RAD54B: variants seen among roughly 807,000 people sequenced by gnomAD.
RAD54B encodes the protein RAD54 homolog B.
Under a neutral mutation model 95.8 loss-of-function variants are expected in RAD54B, and 78 were observed. That is an observed-to-expected ratio of 0.81 (90% CI 0.68 to 0.98). The LOEUF is 0.98. RAD54B is among the 50% of genes least tolerant of loss of function. The probability of loss-of-function intolerance (pLI) is 0.00; values close to 1 mark genes in which losing one functional copy is unlikely to be tolerated. For missense variants in RAD54B, 957 were observed against 1,056.6 expected (o/e 0.91, Z 1.31); for synonymous variants, 328 against 354.9 (o/e 0.92, Z 0.85).
chr8:94,373,741 A>G (rs1810496751), intron 14 of RAD54B, among the ~76,000 whole-genome samples: 1 of 152,220 alleles, frequency 6.6e-6, no homozygotes, highest in African/African-American at 2.4e-5. Context: ...AGATTTTAGT[A>G]TCTATCCTAA....
rs1221964624 is a variant in RAD54B, at chr8:94,411,303, GGAGCCGAAT to G, written c.308_316del (p.His103_Ala105del). Reference sequence around the variant, plus strand: ...TTCCTTGGACACTGCTACTTCTTTAGGAGCCGAATGAACTACAATTAAAAAAAAAACACA... The same window carrying G: ...TTCCTTGGACACTGCTACTTCTTTAGGAACTACAATTAAAAAAAAAACACA... On this transcript the variant is annotated inframe_deletion, in exon 4 of 15. Coordinates refer to ENST00000336148, the MANE Select transcript of RAD54B (RefSeq NM_012415.3). The G allele has an allele frequency of 1.9e-6, 3 of 1,563,242 alleles. No homozygotes were observed. The highest frequency in any genetic ancestry group is 1.4e-5 in the African/African-American group (1 of 71,520).
At chr8:94,433,784 CTTTA>C (rs1448954669) in intron 3 of RAD54B, among the ~76,000 whole-genome samples, 1 of 151,192 alleles carries the variant, frequency 6.6e-6, no homozygotes, top group South Asian at 2.1e-4. Flanking sequence ...AATGGAAATA[CTTTA>C]TTTAATATTA....
intron 3 of RAD54B, among the ~76,000 whole-genome samples, chr8:94,446,668 A>G (rs925685858): frequency 2.0e-5 from 3 of 152,098 alleles, no homozygotes; most frequent in Non-Finnish European, 4.4e-5. Flanking sequence ...CCTGAAGTAC[A>G]CTGCACTTCA....
At chr8:94,439,103 AAAAAG>A (rs1379896363) in intron 3 of RAD54B, among the ~76,000 whole-genome samples, 9 of 152,162 alleles carry the variant, frequency 5.9e-5, no homozygotes, top group African/African-American at 2.2e-4. Context: ...AAAAAAGAAA[AAAAAG>A]AAGACTCCAA....
chr8:94,380,691 A>T (rs1294074421), intron 11 of RAD54B, among the ~76,000 whole-genome samples: 1 of 152,224 alleles, frequency 6.6e-6, no homozygotes, highest in Non-Finnish European at 1.5e-5. Context: ...ATGAACAGAA[A>T]CTAACTCTGA....
chr8:94,474,593 G>A (rs10103436), intron 1 of RAD54B, among the ~76,000 whole-genome samples: 6,045 of 150,202 alleles, frequency 0.04, 136 homozygotes, highest in Non-Finnish European at 0.049. Flanking sequence ...CCCTAAAGAA[G>A]GCGTACCGAC....
Position 94,378,598 on chromosome 8 carries a change from G to A in RAD54B, c.2284C>T (p.Pro762Ser), listed in dbSNP as rs1810657774. The change falls in exon 13 of 15, where the codon CCT (proline) becomes TCT (serine). Residue 762 changes from proline (P) to serine (S), a missense_variant. By Grantham distance (74) the Pro-to-Ser change is moderately conservative. Coordinates refer to ENST00000336148, the MANE Select transcript of RAD54B (RefSeq NM_012415.3). Reference protein sequence around the residue: ...SRVWRDGQKYPVHIYRLLTTG... With the variant: ...SRVWRDGQKYSVHIYRLLTTG... ...GTTAGGAGTCTGTAAATATGTACAG[G>A]ATATTTCTGACCATCTCTCCATACT... The A allele has an allele frequency of 6.2e-7, 1 of 1,609,880 alleles. No homozygotes were observed. Among genetic ancestry groups the A allele is most frequent in the African/African-American group, 1.3e-5 (1 of 74,740 alleles).
chr8:94,464,269 CAA>C (rs1330417109), intron 2 of RAD54B, among the ~76,000 whole-genome samples: 2 of 152,058 alleles, frequency 1.3e-5, no homozygotes, highest in Non-Finnish European at 2.9e-5. Context: ...TGCAGAAAAC[CAA>C]AGAGAAGGAA....
intron 3 of RAD54B, among the ~76,000 whole-genome samples, chr8:94,438,567 A>G (rs2130128082): frequency 6.6e-6 from 1 of 152,352 alleles, no homozygotes; most frequent in South Asian, 2.1e-4. Flanking sequence ...AACATAGGGT[A>G]TATACTTTAT....
intron 11 of RAD54B, among the ~76,000 whole-genome samples, chr8:94,384,807 C>T (rs1271835358): frequency 6.6e-6 from 1 of 152,090 alleles, no homozygotes; most frequent in Non-Finnish European, 1.5e-5. Context: ...GTTTAGGTTT[C>T]TTAAGGACCC....
intron 3 of RAD54B, chr8:94,427,773 T>C (rs1263194857): frequency 2.1e-6 from 2 of 961,502 alleles, no homozygotes; most frequent in Admixed American, 6.2e-5. Context: ...TTAACCATCA[T>C]TATCTACAGT....
chr8:94,445,658 T>C (rs772419520), intron 3 of RAD54B, among the ~76,000 whole-genome samples: 11 of 152,158 alleles, frequency 7.2e-5, no homozygotes, highest in Admixed American at 3.9e-4. Flanking sequence ...ATCTGCAGTA[T>C]TTTAGATAGT....
intron 11 of RAD54B, 87 bp downstream of exon 11, chr8:94,386,897 T>G: frequency 2.1e-6 from 2 of 932,392 alleles, no homozygotes; most frequent in Non-Finnish European, 3.0e-6. Context: ...TTTAATGTTT[T>G]CTTATTTTAA....
intron 9 of RAD54B, among the ~76,000 whole-genome samples, chr8:94,392,930 G>A (rs1018051419): frequency 2.0e-5 from 3 of 149,846 alleles, no homozygotes; most frequent in Non-Finnish European, 3.0e-5. Flanking sequence ...TCTGCCTCCC[G>A]GGTTCAAGTG....
At position 94,411,217 on chromosome 8, in the gene RAD54B, T is replaced by C; in HGVS notation, c.403A>G (p.Lys135Glu). ...YFSVVWCKPSKKKHKKWEGDA... is the reference protein window; with the variant it reads ...YFSVVWCKPSEKKHKKWEGDA... The stretch of plus-strand genomic sequence containing the variant: ...CCTTCCCACTTTTTATGTTTTTTCT[T>C]TGAAGGCTTACACCAAACAACACTG... Residue 135 changes from lysine to glutamate, a missense_variant, in exon 4 of 15, where the codon AAG becomes GAG. Lys to Glu is a moderately conservative substitution (Grantham distance 56). Coordinates refer to ENST00000336148, the MANE Select transcript of RAD54B (RefSeq NM_012415.3). 1 of 1,612,368 alleles carries C rather than the reference T, an allele frequency of 6.2e-7. No homozygotes were observed. The highest frequency in any genetic ancestry group is 8.5e-7 in the Non-Finnish European group (1 of 1,179,258).
intron 4 of RAD54B, among the ~76,000 whole-genome samples, chr8:94,408,832 G>A (rs1364776544): frequency 6.6e-6 from 1 of 152,068 alleles, no homozygotes; most frequent in African/African-American, 2.4e-5. Context: ...CATGGAAATG[G>A]AAGACAAGAA....
intron 11 of RAD54B, among the ~76,000 whole-genome samples, chr8:94,383,780 G>A (rs372766336): frequency 5.3e-5 from 8 of 152,016 alleles, no homozygotes; most frequent in South Asian, 2.1e-4. Context: ...AAAGGTGCTC[G>A]ATATCACTAA....
intron 3 of RAD54B, chr8:94,430,897 A>G: frequency 1.0e-6 from 1 of 985,336 alleles, no homozygotes; most frequent in Non-Finnish European, 1.2e-6. Context: ...CTCTACATTC[A>G]CTTAAAATCA....
rs750682378 is a variant in RAD54B, at chr8:94,391,730, A to C, written c.1688T>G (p.Leu563Ter). ...GCAGAACCTGACAACCTGAGAATTTAACAGCTTTCGATAAAGCTCAATCTG... is the reference window on the plus strand; with the variant it reads ...GCAGAACCTGACAACCTGAGAATTTCACAGCTTTCGATAAAGCTCAATCTG... ...ALQIELYRKL[L>*]NSQVVRFCLQ... The change falls in exon 10 of 15, where the codon TTA (leucine) becomes TGA (stop). Residue 563 changes from leucine to a stop codon, truncating the protein, a stop_gained. Transcript: ENST00000336148. LOFTEE classifies it high-confidence loss of function. The C allele has an allele frequency of 6.2e-7, 1 of 1,614,042 alleles. No individual in the cohort carries two copies. The highest frequency in any genetic ancestry group is 1.1e-5 in the South Asian group (1 of 91,066).
Sources: gnomAD v4.1 joint callset for allele counts (sites outside exome capture counted in the v4.1 genomes callset) on GRCh38, gnomAD v4.1.1 for gene constraint, MANE v1.5 for transcripts, NCBI Gene and HGNC (gene_info 2026-07-23, HGNC 2026-07-21) for gene names.